The following PADI1 variants were observed in gnomAD, a reference collection of about 807,000 sequenced individuals.
PADI1 encodes the protein protein-arginine deiminase type-1.
PADI1 carries 65 observed loss-of-function variants against 74.8 expected under a neutral mutation model. The ratio of observed to expected loss-of-function variants is 0.87; its 90% CI spans 0.71 to 1.07. The LOEUF (loss-of-function observed/expected upper bound fraction) is 1.07. Ranked by LOEUF, PADI1 falls within the 50% of genes least tolerant of loss-of-function variation. PADI1 has a pLI of 0.00. For synonymous variants in PADI1, 371 were observed against 336.2 expected (o/e 1.10, Z -1.13); for missense variants, 943 against 854.0 (o/e 1.10, Z -1.30).
intron 1 of PADI1, among the ~76,000 whole-genome samples, chr1:17,206,932 C>T (rs57470885): frequency 0.071 from 10,732 of 152,104 alleles, 1,212 homozygotes; most frequent in African/African-American, 0.24. Flanking sequence ...CAACCCACCT[C>T]GGCCTCCCAA....
At chr1:17,230,015 C>T in intron 8 of PADI1, 70 bp from the exon 9 acceptor site, 1 of 1,500,792 alleles carries the variant, frequency 6.7e-7, no homozygotes, top group South Asian at 1.2e-5. Flanking sequence ...CCAGCACAAA[C>T]TGAAGGCCAC....
intron 1 of PADI1, among the ~76,000 whole-genome samples, chr1:17,209,828 CTTTATTTTTTCCAT>C (rs1217718756): frequency 6.6e-6 from 1 of 152,090 alleles, no homozygotes; most frequent in African/African-American, 2.4e-5. Context: ...AAGCTGGCAC[CTTTATTTTTTCCAT>C]TTTATTTTAT....
intron 11 of PADI1, among the ~76,000 whole-genome samples, chr1:17,234,162 A>G (rs2072572783): frequency 6.6e-6 from 1 of 152,248 alleles, no homozygotes; most frequent in African/African-American, 2.4e-5. Context: ...CCCCCAAACC[A>G]GTGTATACCA....
At chr1:17,221,395 G>C (rs760755557) in intron 1 of PADI1, among the ~76,000 whole-genome samples, 16 of 151,758 alleles carry the variant, frequency 1.1e-4, no homozygotes, top group Non-Finnish European at 2.2e-4. Flanking sequence ...CTTGAACCTG[G>C]GAGGCGGAGG....
chr1:17,212,049 G>A (rs896934426), intron 1 of PADI1, among the ~76,000 whole-genome samples: 2 of 152,206 alleles, frequency 1.3e-5, no homozygotes, highest in African/African-American at 4.8e-5. Context: ...GCACTAATGG[G>A]AGCCCTGTGT....
chr1:17,219,583 T>C (rs2072077946), intron 1 of PADI1, among the ~76,000 whole-genome samples: 1 of 152,016 alleles, frequency 6.6e-6, no homozygotes. Flanking sequence ...ACCATCTACA[T>C]CGCCATTGAA....
intron 13 of PADI1, among the ~76,000 whole-genome samples, chr1:17,238,939 A>G (rs930503173): frequency 4.6e-5 from 7 of 152,154 alleles, no homozygotes; most frequent in Non-Finnish European, 7.3e-5. Context: ...AATGCCAGGC[A>G]TGTTCTTGTT....
At chr1:17,243,936 C>A in intron 15 of PADI1, 74 bp from the exon 16 acceptor site, 1 of 1,057,354 alleles carries the variant, frequency 9.5e-7, no homozygotes, top group Non-Finnish European at 1.4e-6. Context: ...CTGTCTCATT[C>A]TGGCAAGGAA....
chr1:17,233,666 A>G (rs2072559926), intron 11 of PADI1, among the ~76,000 whole-genome samples: 1 of 152,144 alleles, frequency 6.6e-6, no homozygotes, highest in Non-Finnish European at 1.5e-5. Context: ...CTCCCTGGAG[A>G]TGACACCCAC....
rs2072744780 is a variant in PADI1 at position 17,240,187 on chromosome 1, G to A, written c.1632+404G>A. ...AGGTGAAGCAAGGTGTCAGGAAGGG[G>A]CAGGGCTCACCCCAAGGATAAAAAA... is the stretch of plus-strand genomic sequence containing the variant. On this transcript the variant is annotated intron_variant, in intron 14 of 15. Transcript: ENST00000375471. 1.2e-5 allele frequency: 3 copies of A among 254,072 alleles called. No individual in the cohort carries two copies. The East Asian group carries it at 2.6e-4, about 22-fold the overall frequency. The allele number at this position is 254,072 out of a possible 1,614,324, so 15.7% of individuals were successfully genotyped here.
chr1:17,205,373 G>A (rs1417003057), intron 1 of PADI1, 64 bp downstream of exon 1: 3 of 1,312,092 alleles, frequency 2.3e-6, no homozygotes, highest in Non-Finnish European at 3.3e-6. Context: ...TCAATGGGGT[G>A]GGTGCCTGGT....
rs531620678 is a variant in PADI1, at chr1:17,227,583, T to A, written c.653-1042T>A. On this transcript the variant is annotated intron_variant, in intron 6 of 15. Transcript: ENST00000375471. ...TAAATAAATAAATAAATAAATAAAT[T>A]ACCACTCCTTAACCCCGGACTGCTC... 2.4e-3 allele frequency among the ~76,000 whole-genome samples: 360 copies of A among 146,992 alleles called. 2 individuals are homozygous for A. Among genetic ancestry groups the A allele is most frequent in the Non-Finnish European group, 2.7e-3 (180 of 66,214 alleles).
chr1:17,232,093 C>A (rs2072505652), intron 10 of PADI1, among the ~76,000 whole-genome samples: 1 of 152,130 alleles, frequency 6.6e-6, no homozygotes. Context: ...TGTCCCCCAC[C>A]CTACCACCAC....
intron 11 of PADI1, among the ~76,000 whole-genome samples, chr1:17,235,293 G>GGGAAGGAAGGAAGGAAGGAAGGAA (rs796120861): frequency 1.6e-5 from 1 of 62,876 alleles, no homozygotes; most frequent in South Asian, 5.8e-4. Context: ...GAAGGAAGGA[G>GGGAAGGAAGGAAGGAAGGAAGGAA]GGAAGGAAGG....
intron 1 of PADI1, among the ~76,000 whole-genome samples, chr1:17,207,112 G>A (rs1030218614): frequency 6.6e-6 from 1 of 152,156 alleles, no homozygotes; most frequent in African/African-American, 2.4e-5. Flanking sequence ...TGAGGGCATG[G>A]CTGTTTCTAG....
chr1:17,240,545 A>G, intron 14 of PADI1, 90 bp from the exon 15 acceptor site: 1 of 1,432,790 alleles, frequency 7.0e-7, no homozygotes, highest in Non-Finnish European at 9.6e-7. Context: ...GCGGGCCCAG[A>G]GGGCTCCACA....
chr1:17,231,382 G>C (rs1303359500), intron 10 of PADI1, among the ~76,000 whole-genome samples: 3 of 152,160 alleles, frequency 2.0e-5, no homozygotes, highest in African/African-American at 4.8e-5. Context: ...ACTCAGCCTC[G>C]AGGCTGCACT....
At chr1:17,220,677 C>A (rs2072122421) in intron 1 of PADI1, among the ~76,000 whole-genome samples, 1 of 152,150 alleles carries the variant, frequency 6.6e-6, no homozygotes, top group African/African-American at 2.4e-5. Context: ...TGTTGGAGAG[C>A]CCTGACTTAC....
intron 1 of PADI1, among the ~76,000 whole-genome samples, chr1:17,209,774 G>A (rs2071787533): frequency 6.6e-6 from 1 of 152,160 alleles, no homozygotes; most frequent in South Asian, 2.1e-4. Context: ...GCATCTCTGA[G>A]CCTGTTTTCT....
Sources: gnomAD v4.1 joint callset for allele counts (sites outside exome capture counted in the v4.1 genomes callset) on GRCh38, gnomAD v4.1.1 for gene constraint, MANE v1.5 for transcripts, NCBI Gene and HGNC (gene_info 2026-07-23, HGNC 2026-07-21) for gene names.